CNTN5: variants seen among roughly 807,000 people sequenced by gnomAD.
The protein encoded by CNTN5 is contactin 5.
CNTN5 carries 77 observed loss-of-function variants against 129.1 expected under a neutral mutation model. That is an observed-to-expected ratio of 0.60 (90% CI 0.50 to 0.72). CNTN5 has a LOEUF of 0.72. CNTN5 is among the 30% of genes least tolerant of loss of function. The pLI, the probability that CNTN5 is intolerant of heterozygous loss-of-function variation, is 0.00. For missense variants in CNTN5, 1,478 were observed against 1,328.8 expected (o/e 1.11, Z -1.75); for synonymous variants, 509 against 465.6 (o/e 1.09, Z -1.20).
chr11:100,285,352 C>T (rs960576112), intron 18 of CNTN5, among the ~76,000 whole-genome samples: 1 of 152,132 alleles, frequency 6.6e-6, no homozygotes, highest in South Asian at 2.1e-4. Context: ...TGCAGACAGC[C>T]AGCGTTCCAT....
At chr11:99,946,637 T>G (rs913223465) in intron 7 of CNTN5, among the ~76,000 whole-genome samples, 1 of 152,100 alleles carries the variant, frequency 6.6e-6, no homozygotes, top group Admixed American at 6.6e-5. Flanking sequence ...CAATTTATTA[T>G]TCCATGAAAA....
chr11:99,861,620 T>C, intron 6 of CNTN5, among the ~76,000 whole-genome samples: 1 of 152,170 alleles, frequency 6.6e-6, no homozygotes, highest in East Asian at 1.9e-4. Flanking sequence ...ATAAAATAAA[T>C]AGAATTCATG....
In CNTN5 at chr11:99,709,292, A is replaced by G. The variant is rs371089426; in HGVS notation, c.56-110252A>G. On this transcript the variant is annotated intron_variant, in intron 3 of 24. Coordinates refer to ENST00000524871, the MANE Select transcript of CNTN5 (RefSeq NM_014361.4). Reference sequence around the variant, plus strand: ...ACTTTTTTTTCTAAAATATTAATCAACATCTACTGTATGATTGCCACTAAG... The same window carrying G: ...ACTTTTTTTTCTAAAATATTAATCAGCATCTACTGTATGATTGCCACTAAG... 2.6e-5 allele frequency among the ~76,000 whole-genome samples: 4 copies of G among 151,994 alleles called. No homozygotes were observed. In the East Asian group the frequency reaches 7.8e-4, roughly 30 times the overall value.
chr11:99,789,562 C>T (rs1444275623), intron 3 of CNTN5, among the ~76,000 whole-genome samples: 1 of 151,912 alleles, frequency 6.6e-6, no homozygotes, highest in Non-Finnish European at 1.5e-5. Context: ...ACTTAGCTTC[C>T]TTTGCTTCCA....
intron 3 of CNTN5, among the ~76,000 whole-genome samples, chr11:99,716,197 T>C (rs933071096): frequency 1.3e-5 from 2 of 152,046 alleles, no homozygotes; most frequent in African/African-American, 4.8e-5. Flanking sequence ...GTGTATCCCT[T>C]TGAACCCCTT....
At chr11:99,377,711 T>TA (rs1332580815) in intron 2 of CNTN5, among the ~76,000 whole-genome samples, 1 of 152,112 alleles carries the variant, frequency 6.6e-6, no homozygotes, top group Non-Finnish European at 1.5e-5. Context: ...ATTTCCTCTT[T>TA]AAAAAAGTGT....
intron 1 of CNTN5, among the ~76,000 whole-genome samples, chr11:99,262,470 C>T (rs1462857419): frequency 6.6e-6 from 1 of 151,948 alleles, no homozygotes; most frequent in Non-Finnish European, 1.5e-5. Flanking sequence ...CTCTAAGTTT[C>T]ACTTATTAAT....
intron 7 of CNTN5, among the ~76,000 whole-genome samples, chr11:99,929,363 GC>G: frequency 6.6e-6 from 1 of 152,036 alleles, no homozygotes; most frequent in East Asian, 1.9e-4. Context: ...TTACCCAGTT[GC>G]AAATTTGCTT....
In CNTN5 at chr11:99,657,952, ACTATGT is replaced by A; in HGVS notation, c.55+101684_55+101689del. On this transcript the variant is annotated intron_variant, in intron 3 of 24. Transcript: ENST00000524871. ...ACCACTGAGGCCCACTCTAATGGAT[ACTATGT>A]TTGTAAATGCAATTATATGCTTTTA... Among the ~76,000 whole-genome samples, 4 of 152,286 alleles carry A rather than the reference ACTATGT, an allele frequency of 2.6e-5. No homozygotes were observed. In the Middle Eastern group the frequency reaches 0.014, roughly 518 times the overall value.
intron 2 of CNTN5, among the ~76,000 whole-genome samples, chr11:99,473,202 T>G (rs1023334921): frequency 6.6e-6 from 1 of 152,174 alleles, no homozygotes; most frequent in Non-Finnish European, 1.5e-5. Context: ...CTTGCTTTGC[T>G]TTTTAGCAAC....
Position 100,070,554 on chromosome 11 carries a change from A to G in CNTN5, c.1293A>G (p.Ser431=). ...YRWLKNGVPL[S]PQSRVEMVNG... ...GGCTGAAGAATGGAGTACCCCTCTC[A>G]CCTCAGGTACTGTTGGGAGTTATTA... Residue 431 remains serine, a synonymous_variant, in exon 11 of 25, where the codon TCA becomes TCG. Coordinates refer to ENST00000524871, the MANE Select transcript of CNTN5 (RefSeq NM_014361.4). The G allele has an allele frequency of 1.9e-6, 3 of 1,612,754 alleles. No individual in the cohort carries two copies. Among genetic ancestry groups the G allele is most frequent in the Non-Finnish European group, 2.5e-6 (3 of 1,179,264 alleles).
chr11:99,436,762 C>T (rs888233207), intron 2 of CNTN5, among the ~76,000 whole-genome samples: 4 of 152,100 alleles, frequency 2.6e-5, no homozygotes, highest in Non-Finnish European at 4.4e-5. Flanking sequence ...ATTCTCATAG[C>T]GGTTCCTTTG....
In CNTN5 at chr11:99,734,622, A is replaced by G. The variant is rs894974577; in HGVS notation, c.56-84922A>G. ...AAAAACAGACTTCTAAAAGGCATTG[A>G]TTTTGTTTTCCATACGTAGTCGTTT... On this transcript the variant is annotated intron_variant, in intron 3 of 24. Transcript: ENST00000524871. Among the ~76,000 whole-genome samples the G allele has an allele frequency of 4.6e-5, 7 of 152,090 alleles. No individual in the cohort carries two copies. In the East Asian group the frequency reaches 1.4e-3, roughly 29 times the overall value.
intron 1 of CNTN5, among the ~76,000 whole-genome samples, chr11:99,037,240 C>T (rs577397766): frequency 6.6e-6 from 1 of 152,280 alleles, no homozygotes; most frequent in South Asian, 2.1e-4. Flanking sequence ...AGACTGGTTT[C>T]TCTCCCTCTA....
intron 2 of CNTN5, among the ~76,000 whole-genome samples, chr11:99,516,240 T>G (rs1334783779): frequency 6.6e-6 from 1 of 152,118 alleles, no homozygotes; most frequent in East Asian, 1.9e-4. Context: ...GCAATAAAAA[T>G]CATTTTTACC....
intron 1 of CNTN5, among the ~76,000 whole-genome samples, chr11:99,058,254 A>G (rs2135200234): frequency 6.6e-6 from 1 of 152,132 alleles, no homozygotes; most frequent in East Asian, 1.9e-4. Flanking sequence ...GTTTTTATAC[A>G]TCAAGTTTGT....
At chr11:99,491,059 T>A (rs991788796) in intron 2 of CNTN5, among the ~76,000 whole-genome samples, 3 of 152,140 alleles carry the variant, frequency 2.0e-5, no homozygotes, top group Non-Finnish European at 4.4e-5. Flanking sequence ...GATACACTAC[T>A]GCCCTCCACA....
chr11:99,573,617 A>G (rs1949251084), intron 3 of CNTN5, among the ~76,000 whole-genome samples: 1 of 151,532 alleles, frequency 6.6e-6, no homozygotes, highest in African/African-American at 2.4e-5. Context: ...AATAGTTCCT[A>G]ATAAGCTTCC....
At chr11:100,163,162 T>C (rs1947516455) in intron 13 of CNTN5, among the ~76,000 whole-genome samples, 1 of 151,848 alleles carries the variant, frequency 6.6e-6, no homozygotes, top group African/African-American at 2.4e-5. Flanking sequence ...ATTTAGCTTA[T>C]TTAGACATGA....
Sources: gnomAD v4.1 joint callset for allele counts (sites outside exome capture counted in the v4.1 genomes callset) on GRCh38, gnomAD v4.1.1 for gene constraint, MANE v1.5 for transcripts, NCBI Gene and HGNC (gene_info 2026-07-23, HGNC 2026-07-21) for gene names.